Variants in ZZZ3 observed in about 807,000 individuals in gnomAD.
ZZZ3 encodes the protein zinc finger ZZ-type containing 3.
In ZZZ3, 22 loss-of-function variants were observed where a neutral mutation model predicts 95.2. That is an observed-to-expected ratio of 0.23 (90% confidence interval 0.17 to 0.33). ZZZ3 has a LOEUF of 0.33. Among genes scored for constraint, ZZZ3 ranks in the 10% least tolerant of loss-of-function variants. The pLI is 1.00. For synonymous variants in ZZZ3, 335 were observed against 358.9 expected, an observed-to-expected ratio of 0.93 and a Z score of 0.75; for missense variants, 885 against 1,066.5, an observed-to-expected ratio of 0.83 and a Z score of 2.37.
At chr1:77,662,543 T>C (rs1670894978) in intron 1 of ZZZ3, among the ~76,000 whole-genome samples, 2 of 152,170 alleles carry the variant, frequency 1.3e-5, no homozygotes, top group South Asian at 4.1e-4. Context: ...GAATTGGAAG[T>C]ATCAGTGTAC....
At chr1:77,682,945 CCT>C (rs1672935643), upstream of ZZZ3, among the ~76,000 whole-genome samples, 1 of 152,178 alleles carries the variant, frequency 6.6e-6, no homozygotes, top group Non-Finnish European at 1.5e-5. Context: ...AGGCAGCCTC[CCT>C]GTCACGTGGA....
In ZZZ3 at chr1:77,633,284, C is replaced by T. The variant is rs1667989830; in HGVS notation, c.71G>A (p.Cys24Tyr). Residue 24 changes from cysteine (C) to tyrosine (Y), a missense_variant, in exon 5 of 15, where the codon TGT becomes TAT. Around this residue, in one of 5 missense-constraint regions of ZZZ3, gnomAD observed 556 missense variants for 652.9 expected, o/e 0.85. Transcript: ENST00000370801. ...GCTACGATTCCTTAAAGTTCTACCA[C>T]AAAAAGATTCATCCAAGCCGTTTAA... ...VGLNGLDESFCGRTLRNRSIA... is the reference protein window; with the variant it reads ...VGLNGLDESFYGRTLRNRSIA... The T allele has an allele frequency of 1.9e-6, 3 of 1,613,848 alleles. No individual in the cohort carries two copies. Among genetic ancestry groups the T allele is most frequent in the Non-Finnish European group, 2.5e-6 (3 of 1,179,892 alleles).
intron 1 of ZZZ3, among the ~76,000 whole-genome samples, chr1:77,660,221 T>C (rs1369328524): frequency 6.6e-6 from 1 of 152,150 alleles, no homozygotes; most frequent in Non-Finnish European, 1.5e-5. Context: ...TTTTTTATTG[T>C]GGTAAAATAC....
intron 5 of ZZZ3, among the ~76,000 whole-genome samples, chr1:77,615,797 T>C (rs1357892314): frequency 6.6e-6 from 1 of 152,210 alleles, no homozygotes; most frequent in Non-Finnish European, 1.5e-5. Flanking sequence ...AGGTACTGAT[T>C]CTTATAAAGA....
chr1:77,636,625 G>A (rs1668321396), intron 4 of ZZZ3, among the ~76,000 whole-genome samples: 1 of 149,186 alleles, frequency 6.7e-6, no homozygotes, highest in Non-Finnish European at 1.5e-5. Context: ...TGAGTGGGAG[G>A]ATCACTTGAG....
intron 1 of ZZZ3, among the ~76,000 whole-genome samples, chr1:77,655,742 G>A (rs985940022): frequency 6.6e-6 from 1 of 152,148 alleles, no homozygotes; most frequent in African/African-American, 2.4e-5. Flanking sequence ...TCATTTAAAC[G>A]TACTGACTTA....
intron 5 of ZZZ3, among the ~76,000 whole-genome samples, chr1:77,630,231 T>C (rs1336592356): frequency 6.6e-6 from 1 of 152,128 alleles, no homozygotes; most frequent in Non-Finnish European, 1.5e-5. Flanking sequence ...CTCAATACTC[T>C]GGGAGGCTGA....
chr1:77,676,061 A>T (rs1282789029), intron 1 of ZZZ3, among the ~76,000 whole-genome samples: 1 of 152,224 alleles, frequency 6.6e-6, no homozygotes, highest in African/African-American at 2.4e-5. Flanking sequence ...CTGCTGTTTA[A>T]CACTTTAAGC....
At chr1:77,633,619 G>A (rs532877977) in intron 4 of ZZZ3, among the ~76,000 whole-genome samples, 97 of 152,208 alleles carry the variant, frequency 6.4e-4, no homozygotes, top group Non-Finnish European at 9.9e-4. Context: ...TACTTAATAT[G>A]TTCCATGAGT....
At chr1:77,582,432 C>G (rs1281093212) in intron 6 of ZZZ3, among the ~76,000 whole-genome samples, 2 of 152,124 alleles carry the variant, frequency 1.3e-5, no homozygotes, top group African/African-American at 4.8e-5. Flanking sequence ...TCTCTGCATT[C>G]CATATACCAA....
intron 5 of ZZZ3, among the ~76,000 whole-genome samples, chr1:77,597,609 A>T (rs561723283): frequency 6.6e-5 from 10 of 152,108 alleles, no homozygotes; most frequent in Non-Finnish European, 1.3e-4. Context: ...TTTTACTTCT[A>T]TTGTTTTCCT....
chr1:77,639,134 G>C (rs1486077140), intron 4 of ZZZ3, among the ~76,000 whole-genome samples: 1 of 151,912 alleles, frequency 6.6e-6, no homozygotes, highest in Non-Finnish European at 1.5e-5. Flanking sequence ...CAGACAGATA[G>C]ACAAAAGTAA....
At position 77,633,025 on chromosome 1, in the gene ZZZ3, T is replaced by C. The variant is rs1270993489; in HGVS notation, c.330A>G (p.Glu110=). 1.2e-6 allele frequency: 2 copies of C among 1,613,848 alleles called. No homozygotes were observed. The highest frequency in any genetic ancestry group is 3.3e-5 in the Admixed American group (2 of 60,002). The change falls in exon 5 of 15, where the codon GAA becomes GAG. Residue 110 remains glutamate (E), a synonymous_variant. Coordinates refer to ENST00000370801, the MANE Select transcript of ZZZ3 (RefSeq NM_015534.6). ...AIENCERRQT[E]PVSPVLKRIK... is the part of the protein sequence containing the mutation. ...TTCTTTTTAAAACTGGTGAAACAGGTTCTGTTTGCCTTCTCTCACAATTTT... is the reference window on the plus strand; with the variant it reads ...TTCTTTTTAAAACTGGTGAAACAGGCTCTGTTTGCCTTCTCTCACAATTTT...
At chr1:77,665,141 T>C (rs1017818462) in intron 1 of ZZZ3, among the ~76,000 whole-genome samples, 2 of 152,144 alleles carry the variant, frequency 1.3e-5, no homozygotes, top group African/African-American at 4.8e-5. Context: ...GATCTGGCAA[T>C]AGAGTTAAAA....
At chr1:77,578,307 C>T (rs927708744) in intron 11 of ZZZ3, among the ~76,000 whole-genome samples, 1 of 152,166 alleles carries the variant, frequency 6.6e-6, no homozygotes, top group Non-Finnish European at 1.5e-5. Flanking sequence ...CTCCTGGCCT[C>T]AAGTGTTCCT....
At chr1:77,596,615 C>T (rs550040909) in intron 5 of ZZZ3, among the ~76,000 whole-genome samples, 85 of 152,146 alleles carry the variant, frequency 5.6e-4, no homozygotes, top group African/African-American at 1.9e-3. Flanking sequence ...GAAGAAAAGG[C>T]GCTGACCTAT....
chr1:77,665,168 T>C (rs1003802481), intron 1 of ZZZ3, among the ~76,000 whole-genome samples: 1 of 152,136 alleles, frequency 6.6e-6, no homozygotes, highest in Non-Finnish European at 1.5e-5. Context: ...TACAAAACAA[T>C]TACAAAAGGT....
intron 1 of ZZZ3, among the ~76,000 whole-genome samples, chr1:77,674,035 T>C (rs1557784667): frequency 1.4e-5 from 2 of 145,752 alleles, no homozygotes; most frequent in Non-Finnish European, 3.0e-5. Context: ...GCAGCTGAGG[T>C]ACTGCATAAG....
chr1:77,660,781 C>A (rs368083720), intron 1 of ZZZ3, among the ~76,000 whole-genome samples: 1 of 152,180 alleles, frequency 6.6e-6, no homozygotes, highest in South Asian at 2.1e-4. Context: ...TAGGCCCCAA[C>A]TCTCAGACTG....
Sources: allele counts gnomAD v4.1 joint callset (sites outside exome capture counted in the v4.1 genomes callset), GRCh38; gene constraint gnomAD v4.1.1; regional missense constraint gnomAD v4.1.1; transcripts MANE v1.5; gene names NCBI Gene and HGNC (gene_info 2026-07-23, HGNC 2026-07-21).